The following PAK3 variants were observed in gnomAD, a reference collection of about 807,000 sequenced individuals.
The protein encoded by PAK3 is serine/threonine-protein kinase PAK 3.
Under a neutral mutation model 41.0 loss-of-function variants are expected in PAK3, and 4 were observed. The ratio of observed to expected loss-of-function variants is 0.10; its 90% CI spans 0.05 to 0.22. PAK3 has a LOEUF of 0.22. PAK3 is among the 10% of genes least tolerant of loss of function. PAK3 has a pLI of 1.00. For synonymous variants in PAK3, 146 were observed against 139.6 expected (o/e 1.05, Z -0.32); for missense variants, 205 against 409.9 (o/e 0.50, Z 4.32).
chrX:111,093,368 A>G (rs902091023), upstream of PAK3, among the ~76,000 whole-genome samples: 1 of 112,067 alleles, frequency 8.9e-6, no homozygotes, highest in Non-Finnish European at 1.9e-5. Context: ...GAGAAGTAGG[A>G]TACACATGCC....
chrX:111,078,409 T>C (rs991852338), intron 1 of PAK3, among the ~76,000 whole-genome samples: 1 of 111,324 alleles, frequency 9.0e-6, no homozygotes, highest in Non-Finnish European at 1.9e-5. Context: ...TCAAACTTTT[T>C]CATTATTCTT....
chrX:111,160,579 TA>T (rs1380326424), intron 8 of PAK3, among the ~76,000 whole-genome samples: 74 of 109,180 alleles, frequency 6.8e-4, no homozygotes, highest in Non-Finnish European at 1.3e-3. Flanking sequence ...ACTCATCATT[TA>T]GCATTAGGTA....
chrX:111,145,859 T>C (rs1352970966), intron 6 of PAK3, among the ~76,000 whole-genome samples: 3 of 112,044 alleles, frequency 2.7e-5, no homozygotes, highest in Non-Finnish European at 5.6e-5. Flanking sequence ...AATGGAATTG[T>C]TCCCCTTTCC....
At chrX:110,980,753 A>T (rs925226134) in intron 1 of PAK3, among the ~76,000 whole-genome samples, 1 of 112,189 alleles carries the variant, frequency 8.9e-6, no homozygotes, top group Non-Finnish European at 1.9e-5. Flanking sequence ...GCATAATCCA[A>T]TGCAATAGAC....
intron 1 of PAK3, among the ~76,000 whole-genome samples, chrX:111,005,398 C>T (rs1195624865): frequency 1.8e-5 from 2 of 111,508 alleles, no homozygotes; most frequent in East Asian, 5.7e-4. Flanking sequence ...ACATTGAAGC[C>T]GGTAGACTGA....
At chrX:111,046,395 C>T (rs1281026798) in intron 1 of PAK3, among the ~76,000 whole-genome samples, 1 of 111,538 alleles carries the variant, frequency 9.0e-6, no homozygotes. Context: ...AAGTCATTTT[C>T]CTTTACTGAG....
chrX:111,018,794 G>A (rs2092128693), intron 1 of PAK3, among the ~76,000 whole-genome samples: 1 of 111,636 alleles, frequency 9.0e-6, no homozygotes, highest in South Asian at 3.8e-4. Context: ...AAACAATCAT[G>A]AAACAGAGCA....
intron 16 of PAK3, among the ~76,000 whole-genome samples, chrX:111,203,237 G>A: frequency 8.9e-6 from 1 of 111,935 alleles, no homozygotes; most frequent in Non-Finnish European, 1.9e-5. Context: ...TATCCATTTT[G>A]TCTAAAAACT....
chrX:111,219,235 TAAG>T (rs1443536813), intron 17 of PAK3, among the ~76,000 whole-genome samples: 16 of 102,414 alleles, frequency 1.6e-4, no homozygotes, highest in East Asian at 1.5e-3. Flanking sequence ...ATAATAATAA[TAAG>T]CAAGAGATAA....
intron 1 of PAK3, among the ~76,000 whole-genome samples, chrX:111,007,998 C>T (rs2091957248): frequency 8.9e-6 from 1 of 111,986 alleles, no homozygotes; most frequent in Non-Finnish European, 1.9e-5. Context: ...GGTTCCTCAT[C>T]TATAAAATAG....
chrX:111,044,601 T>G (rs2092480530), intron 1 of PAK3, among the ~76,000 whole-genome samples: 1 of 111,937 alleles, frequency 8.9e-6, no homozygotes, highest in Admixed American at 9.5e-5. Flanking sequence ...GGTGCCTTCT[T>G]GGCTATGGTG....
intron 11 of PAK3, among the ~76,000 whole-genome samples, chrX:111,175,081 G>T (rs1265831137): frequency 2.7e-5 from 3 of 111,758 alleles, no homozygotes; most frequent in African/African-American, 9.8e-5. Context: ...CAAAAAGACA[G>T]TATTATGTAC....
At position 111,163,622 on chromosome X, in the gene PAK3, A is replaced by C. The variant is rs1044245561; in HGVS notation, c.661A>C (p.Thr221Pro). The change falls in exon 10 of 18, where the codon ACA (threonine) becomes CCA (proline). Residue 221 changes from threonine to proline, a missense_variant. Thr to Pro is a conservative substitution (Grantham distance 38, BLOSUM62 -1). Around this residue, in one of 5 missense-constraint regions of PAK3, gnomAD observed 75 missense variants for 91.9 expected, o/e 0.82. Transcript: ENST00000372007. The stretch of plus-strand genomic sequence containing the variant: ...ACCAGCAGTACCAAATAAAGAGGTC[A>C]CACCACCCTCTGCTGAAAATGCCAA... ...ASPAVPNKEVTPPSAENANSS... is the reference protein window; with the variant it reads ...ASPAVPNKEVPPPSAENANSS... 8.4e-6 allele frequency: 10 copies of C among 1,190,497 alleles called. No homozygotes were observed. Among genetic ancestry groups the C allele is most frequent in the Non-Finnish European group, 1.0e-5 (9 of 877,718 alleles).
At chrX:110,995,241 G>A (rs1432944984) in intron 1 of PAK3, among the ~76,000 whole-genome samples, 1 of 111,083 alleles carries the variant, frequency 9.0e-6, no homozygotes, top group Non-Finnish European at 1.9e-5. Context: ...CCATCACTTT[G>A]TCTAAGCCCC....
chrX:111,014,887 T>G (rs1199821455), intron 1 of PAK3, among the ~76,000 whole-genome samples: 1 of 111,283 alleles, frequency 9.0e-6, no homozygotes, highest in African/African-American at 3.3e-5. Context: ...GCCCAGGAAA[T>G]AAATTCCTAT....
intron 6 of PAK3, among the ~76,000 whole-genome samples, chrX:111,144,069 A>G (rs926351838): frequency 6.3e-5 from 7 of 111,750 alleles, no homozygotes; most frequent in Non-Finnish European, 1.1e-4. Context: ...GAAATGAAAG[A>G]AAGTAAATCA....
chrX:111,208,399 T>G lies in PAK3; in HGVS notation c.1408-8022T>G, dbSNP rs185011079. On this transcript the variant is annotated intron_variant, in intron 16 of 17. Transcript: ENST00000372007. ...TATAGTAATGTCCTAGGCTTTCACA[T>G]TCACTCACTAGTCACTCAGTGACCC... 4.6e-3 allele frequency among the ~76,000 whole-genome samples: 522 copies of G among 112,380 alleles called. 5 individuals are homozygous for G. The highest frequency in any genetic ancestry group is 0.016 in the African/African-American group (500 of 30,979).
chrX:111,134,385 CCTCTT>C (rs938189531), intron 5 of PAK3, among the ~76,000 whole-genome samples: 2 of 112,445 alleles, frequency 1.8e-5, no homozygotes, highest in African/African-American at 6.5e-5. Flanking sequence ...ATCATCTTCT[CCTCTT>C]CTATGAACAC....
chrX:111,166,689 C>G lies in PAK3; in HGVS notation c.766+2962C>G, dbSNP rs751336212. 1.7e-3 allele frequency among the ~76,000 whole-genome samples: 185 copies of G among 111,638 alleles called. 2 individuals are homozygous for G. Among genetic ancestry groups the G allele is most frequent in the Non-Finnish European group, 2.8e-3 (150 of 53,099 alleles). On this transcript the variant is annotated intron_variant, in intron 10 of 17. Transcript: ENST00000372007. ...GAGTCAGAAGGATCTACATTTAAAT[C>G]ATAGACCCATTGCTATTAGCTGTGT...
Sources: allele counts gnomAD v4.1 joint callset (sites outside exome capture counted in the v4.1 genomes callset), GRCh38; gene constraint gnomAD v4.1.1; regional missense constraint gnomAD v4.1.1; transcripts MANE v1.5; gene names NCBI Gene and HGNC (gene_info 2026-07-23, HGNC 2026-07-21).